The following SECISBP2L variants were observed in gnomAD, a reference collection of about 807,000 sequenced individuals.
SECISBP2L encodes SECIS binding protein 2 like, also known as selenocysteine insertion sequence-binding protein 2-like.
Under a neutral mutation model 114.7 loss-of-function variants are expected in SECISBP2L, and 43 were observed. The observed-to-expected ratio is 0.38, with a 90% confidence interval of 0.29 to 0.48. SECISBP2L has a LOEUF of 0.48. Among genes scored for constraint, SECISBP2L ranks in the 20% least tolerant of loss-of-function variants. The probability of loss-of-function intolerance (pLI) is 0.98; values close to 1 mark genes in which losing one functional copy is unlikely to be tolerated. For synonymous variants in SECISBP2L, 451 were observed against 439.7 expected, an observed-to-expected ratio of 1.03 and a Z score of -0.32; for missense variants, 1,136 against 1,301.1, an observed-to-expected ratio of 0.87 and a Z score of 1.95.
intron 14 of SECISBP2L, among the ~76,000 whole-genome samples, chr15:49,006,944 G>C (rs897522120): frequency 2.0e-5 from 3 of 152,074 alleles, no homozygotes; most frequent in African/African-American, 7.2e-5. Context: ...ATCTATCTTT[G>C]GTCTTTGATA....
At chr15:49,011,407 A>G (rs1902434325) in intron 13 of SECISBP2L, 1 of 207,574 alleles carries the variant, frequency 4.8e-6, no homozygotes, top group African/African-American at 2.3e-5. Flanking sequence ...AGTATTTTGG[A>G]CGTAAAAGAA....
chr15:49,038,535 T>G (rs1029800777), intron 1 of SECISBP2L, among the ~76,000 whole-genome samples: 1 of 152,042 alleles, frequency 6.6e-6, no homozygotes, highest in African/African-American at 2.4e-5. Context: ...GAATTATTCT[T>G]AGCAAAGAGA....
intron 1 of SECISBP2L, among the ~76,000 whole-genome samples, chr15:49,045,946 T>C (rs951205363): frequency 6.6e-6 from 1 of 152,088 alleles, no homozygotes; most frequent in Non-Finnish European, 1.5e-5. Context: ...CTGAAGGGAA[T>C]GGGGGAAGCG....
intron 14 of SECISBP2L, among the ~76,000 whole-genome samples, chr15:49,006,316 C>G (rs1902322984): frequency 3.3e-5 from 5 of 152,118 alleles, no homozygotes; most frequent in South Asian, 2.1e-4. Context: ...TGGGGAAGTT[C>G]TCCTGGATAA....
At chr15:49,026,206 T>C (rs907489381) in intron 7 of SECISBP2L, among the ~76,000 whole-genome samples, 2 of 152,162 alleles carry the variant, frequency 1.3e-5, no homozygotes, top group African/African-American at 4.8e-5. Flanking sequence ...GAATAATGGT[T>C]ACCAGAGGCT....
chr15:49,013,453 C>T (rs1004920621), intron 11 of SECISBP2L, among the ~76,000 whole-genome samples: 2 of 152,116 alleles, frequency 1.3e-5, no homozygotes, highest in South Asian at 4.1e-4. Context: ...CGTGCCACCA[C>T]GCCCAGCTAA....
In SECISBP2L at chr15:49,037,718, G is replaced by C. The variant is rs146302313; in HGVS notation, c.76C>G (p.Pro26Ala). The change falls in exon 2 of 18, where the codon CCT becomes GCT. Residue 26 changes from proline to alanine, a missense_variant. Physicochemically the swap from Pro to Ala is conservative, Grantham distance 27. This residue lies in a region of SECISBP2L where 452 missense variants were observed against 452.3 expected (regional missense o/e 1.00). Coordinates refer to ENST00000559471, the MANE Select transcript of SECISBP2L (RefSeq NM_001193489.2). ...GCCATAGGGATCATAAATGTATCAG[G>C]ACTCTTCTTCTGGGGAATAAATGGC... ...VEPFIPQKKSPDTFMIPMALP... is the reference protein window; with the variant it reads ...VEPFIPQKKSADTFMIPMALP... 1.9e-6 allele frequency: 3 copies of C among 1,612,458 alleles called. No individual in the cohort carries two copies. In the African/African-American group the frequency reaches 4.0e-5, roughly 22 times the overall value.
rs1039360235 is a variant in SECISBP2L, at chr15:48,990,180, A to G, written c.*2064T>C. On this transcript the variant is annotated 3_prime_UTR_variant, in exon 18 of 18. Transcript: ENST00000559471. ...AAATCTAAAATGACAATTCATGTTCAGAAGAGATATAAAATATAAGAAACC... is the reference window on the plus strand; with the variant it reads ...AAATCTAAAATGACAATTCATGTTCGGAAGAGATATAAAATATAAGAAACC... 1 of 152,708 alleles carries G rather than the reference A, an allele frequency of 6.5e-6. No homozygotes were observed. Among genetic ancestry groups the G allele is most frequent in the Non-Finnish European group, 1.5e-5 (1 of 68,056 alleles). The allele number at this position is 152,708 out of a possible 1,614,324, so 9.5% of individuals were successfully genotyped here.
chr15:48,996,679 G>T, intron 16 of SECISBP2L, 93 bp from the exon 17 acceptor site: 2 of 1,075,508 alleles, frequency 1.9e-6, no homozygotes, highest in Non-Finnish European at 1.3e-6. Context: ...TTGTTTCAGG[G>T]TCAGACACTT....
chr15:49,010,229 T>C (rs1221531975), intron 13 of SECISBP2L, among the ~76,000 whole-genome samples: 1 of 151,952 alleles, frequency 6.6e-6, no homozygotes, highest in Non-Finnish European at 1.5e-5. Context: ...TTTTTTTTTT[T>C]TAAACAATCT....
At chr15:49,015,024 T>C (rs751257657) in intron 11 of SECISBP2L, among the ~76,000 whole-genome samples, 41 of 152,090 alleles carry the variant, frequency 2.7e-4, no homozygotes, top group Non-Finnish European at 1.6e-4. Context: ...TAAACATTTA[T>C]TGAGTGATTA....
chr15:49,005,588 TGCTTTCCA>T (rs1902303335), intron 14 of SECISBP2L, among the ~76,000 whole-genome samples: 1 of 140,814 alleles, frequency 7.1e-6, no homozygotes, highest in African/African-American at 2.7e-5. Flanking sequence ...TTTTTTTTTT[TGCTTTCCA>T]TTTGCTTGGT....
chr15:49,039,324 C>T (rs547638828), intron 1 of SECISBP2L, among the ~76,000 whole-genome samples: 6 of 152,074 alleles, frequency 3.9e-5, no homozygotes, highest in East Asian at 3.9e-4. Flanking sequence ...CATTAGAACC[C>T]AAACTCACTT....
rs112114385 is a variant in SECISBP2L, at chr15:49,005,238, G to A, written c.2027+3978C>T. Reference sequence around the variant, plus strand: ...CCACCTACTCAGGAGGCTGAAGCAAGAGAATCACTTGAACTCAGGAGGTGG... The same window carrying A: ...CCACCTACTCAGGAGGCTGAAGCAAAAGAATCACTTGAACTCAGGAGGTGG... On this transcript the variant is annotated intron_variant, in intron 14 of 17. Transcript: ENST00000559471. 3.2e-3 allele frequency among the ~76,000 whole-genome samples: 490 copies of A among 152,274 alleles called. 1 individual carries two copies. The highest frequency in any genetic ancestry group is 0.011 in the African/African-American group (466 of 41,552).
At chr15:49,037,001 C>T (rs1903023406) in intron 2 of SECISBP2L, among the ~76,000 whole-genome samples, 1 of 152,136 alleles carries the variant, frequency 6.6e-6, no homozygotes, top group African/African-American at 2.4e-5. Context: ...CAATGAAGTG[C>T]TAATCACTCA....
At chr15:49,039,474 T>C (rs1903075972) in intron 1 of SECISBP2L, among the ~76,000 whole-genome samples, 1 of 150,864 alleles carries the variant, frequency 6.6e-6, no homozygotes, top group Non-Finnish European at 1.5e-5. Context: ...GAAACTGAAA[T>C]CACAGTTTAA....
rs1182052050 is a variant in SECISBP2L at position 49,016,489 on chromosome 15, A to C, written c.1561+71T>G. 1.1e-5 allele frequency: 16 copies of C among 1,465,988 alleles called. No individual in the cohort carries two copies. In the East Asian group the frequency reaches 3.3e-4, roughly 30 times the overall value. 90.8% of individuals were successfully genotyped at this position (1,465,988 alleles called of 1,614,324 possible). A position where few individuals can be genotyped will look rare whatever the true frequency, so the allele number is the denominator to read the frequency against. ...ACACATACATATATAAAATTTTAAA[A>C]ATTTCGATTAACAACATCTAACATA... On this transcript the variant is annotated intron_variant, in intron 11 of 17. Transcript: ENST00000559471.
intron 6 of SECISBP2L, 111 bp from the exon 7 acceptor site, chr15:49,027,591 T>C: frequency 1.8e-6 from 1 of 570,662 alleles, no homozygotes; most frequent in Non-Finnish European, 2.9e-6. Context: ...ATAGTGAAAA[T>C]TTTTCTATAA....
chr15:49,034,932 G>A (rs1902975206), intron 3 of SECISBP2L, among the ~76,000 whole-genome samples: 1 of 151,980 alleles, frequency 6.6e-6, no homozygotes, highest in African/African-American at 2.4e-5. Flanking sequence ...CAAAGTGCTG[G>A]GATTATAGGT....
Sources: gnomAD v4.1 joint callset for allele counts (sites outside exome capture counted in the v4.1 genomes callset) on GRCh38, gnomAD v4.1.1 for gene constraint, gnomAD v4.1.1 regional missense constraint, MANE v1.5 for transcripts, NCBI Gene and HGNC (gene_info 2026-07-23, HGNC 2026-07-21) for gene names.